The following PLCE1 variants were observed in gnomAD, a reference collection of about 807,000 sequenced individuals.
PLCE1 encodes 1-phosphatidylinositol 4,5-bisphosphate phosphodiesterase epsilon-1.
Under a neutral mutation model 242.8 loss-of-function variants are expected in PLCE1, and 119 were observed. The ratio of observed to expected loss-of-function variants is 0.49; its 90% CI spans 0.42 to 0.57. PLCE1 has a LOEUF of 0.57. Ranked by LOEUF, PLCE1 falls within the 20% of genes least tolerant of loss-of-function variation. PLCE1 has a pLI of 0.00. For missense variants in PLCE1, 2,441 were observed against 2,788.8 expected (o/e 0.88, Z 2.81); for synonymous variants, 945 against 1,017.4 (o/e 0.93, Z 1.35).
At chr10:94,315,943 C>T (rs926934100) in intron 28 of PLCE1, among the ~76,000 whole-genome samples, 4 of 151,880 alleles carry the variant, frequency 2.6e-5, no homozygotes, top group African/African-American at 9.7e-5. Flanking sequence ...CCCAATAATT[C>T]GTAGCCAACA....
At chr10:94,211,564 G>A (rs11187815) in intron 4 of PLCE1, among the ~76,000 whole-genome samples, 94,900 of 152,212 alleles carry the variant, frequency 0.62, 30,350 homozygotes, top group East Asian at 0.95. Context: ...TAGTAGAACC[G>A]CATAGCTAAA....
intron 2 of PLCE1, among the ~76,000 whole-genome samples, chr10:94,101,253 A>T (rs1333137828): frequency 1.3e-5 from 2 of 152,324 alleles, no homozygotes; most frequent in Admixed American, 6.5e-5. Context: ...CGGTGTTCTC[A>T]TGAATGAAAT....
chr10:94,053,791 AG>A (rs1449048052), intron 2 of PLCE1, among the ~76,000 whole-genome samples: 6 of 152,272 alleles, frequency 3.9e-5, no homozygotes, highest in Non-Finnish European at 8.8e-5. Flanking sequence ...CAATAGTGAG[AG>A]CCAGCCTTCC....
At chr10:94,082,466 C>CCAGGGAGGGGCCCTGTGCAATCA in intron 2 of PLCE1, among the ~76,000 whole-genome samples, 1 of 152,022 alleles carries the variant, frequency 6.6e-6, no homozygotes, top group Non-Finnish European at 1.5e-5. Flanking sequence ...GCTTTGGTCC[C>CCAGGGAGGGGCCCTGTGCAATCA]CAGGGAGGGG....
chr10:94,288,775 G>A (rs1392692348), intron 22 of PLCE1, among the ~76,000 whole-genome samples: 1 of 152,186 alleles, frequency 6.6e-6, no homozygotes, highest in Non-Finnish European at 1.5e-5. Context: ...CACTGAAGGA[G>A]CCACATGGGG....
intron 21 of PLCE1, 129 bp from the exon 22 acceptor site, chr10:94,284,719 A>T: frequency 1.5e-6 from 1 of 688,002 alleles, no homozygotes; most frequent in Non-Finnish European, 2.7e-6. Context: ...GGACATGTAT[A>T]TGGATAATTA....
At chr10:94,067,603 A>G (rs2044234753) in intron 2 of PLCE1, among the ~76,000 whole-genome samples, 1 of 152,190 alleles carries the variant, frequency 6.6e-6, no homozygotes, top group South Asian at 2.1e-4. Context: ...GGACACAAAT[A>G]AGGCCTGAGC....
At chr10:94,154,615 C>T (rs1267012931) in intron 3 of PLCE1, among the ~76,000 whole-genome samples, 1 of 151,926 alleles carries the variant, frequency 6.6e-6, no homozygotes, top group African/African-American at 2.4e-5. Context: ...CAACAGAGAA[C>T]CCAACAACAC....
chr10:94,000,356 AAG>A (rs1183793953), intron 1 of PLCE1, among the ~76,000 whole-genome samples: 4 of 152,238 alleles, frequency 2.6e-5, no homozygotes, highest in Admixed American at 2.0e-4. Flanking sequence ...GGCCTTGTGC[AAG>A]ATACTTGGCC....
At chr10:94,006,777 T>A (rs2061047090) in intron 1 of PLCE1, among the ~76,000 whole-genome samples, 2 of 152,172 alleles carry the variant, frequency 1.3e-5, no homozygotes, top group Admixed American at 6.5e-5. Flanking sequence ...GACTCAAAGC[T>A]GGGAAAATAG....
chr10:94,240,846 G>A (rs527453960), intron 7 of PLCE1, among the ~76,000 whole-genome samples: 1 of 152,272 alleles, frequency 6.6e-6, no homozygotes, highest in Non-Finnish European at 1.5e-5. Context: ...TACAACCTGA[G>A]TTTGACAAGA....
chr10:94,283,914 G>A lies in PLCE1; in HGVS notation c.4917+3G>A, dbSNP rs756248824. 2.0e-5 allele frequency: 32 copies of A among 1,610,060 alleles called. No individual in the cohort carries two copies. In the South Asian group the frequency reaches 3.2e-4, roughly 16 times the overall value. ...ACTCTGCTTGCAACAAAGGAAAGGT[G>A]GGTGAACGGTTTCTGTTAAATGACA... On this transcript the variant is annotated splice_donor_region_variant and intron_variant, in intron 21 of 32. Coordinates refer to ENST00000371380, the MANE Select transcript of PLCE1 (RefSeq NM_016341.4).
In PLCE1 at chr10:94,149,515, T is replaced by A. The variant is rs139989463; in HGVS notation, c.1492+17056T>A. On this transcript the variant is annotated intron_variant, in intron 3 of 32. Transcript: ENST00000371380. ...TTACCAACATCAACCCTCTTGCAACTAAAAGTGTGGTCCCAGAACCATCAG... is the reference window on the plus strand; with the variant it reads ...TTACCAACATCAACCCTCTTGCAACAAAAAGTGTGGTCCCAGAACCATCAG... Among the ~76,000 whole-genome samples, 770 of 152,340 alleles carry A rather than the reference T, an allele frequency of 5.1e-3. 2 individuals are homozygous for A. The highest frequency in any genetic ancestry group is 0.017 in the Middle Eastern group (5 of 294).
At position 94,062,848 on chromosome 10, in the gene PLCE1, G is replaced by A. The variant is rs926067210; in HGVS notation, c.1206+30596G>A. On this transcript the variant is annotated intron_variant, in intron 2 of 32. Transcript: ENST00000371380. The stretch of plus-strand genomic sequence containing the variant: ...GGTTCCGGGAAAGTACATGAATCAT[G>A]ATGGGACTCTTTAATCTGTACCTCT... Among the ~76,000 whole-genome samples the A allele has an allele frequency of 1.4e-4, 22 of 152,202 alleles. No individual in the cohort carries two copies. The South Asian group carries it at 1.9e-3, about 13-fold the overall frequency.
intron 3 of PLCE1, chr10:94,138,981 G>A (rs527622813): frequency 6.5e-6 from 1 of 153,696 alleles, no homozygotes; most frequent in African/African-American, 2.4e-5. Context: ...CTGTTCCTCT[G>A]ACAAACAAAC....
chr10:94,008,181 G>T (rs1188502953), intron 1 of PLCE1, among the ~76,000 whole-genome samples: 4 of 109,890 alleles, frequency 3.6e-5, no homozygotes, highest in Non-Finnish European at 6.6e-5. Context: ...AACAGAGTGA[G>T]ACCTTGTCTC....
rs767201313 is a variant in PLCE1, at chr10:94,132,329, C to T, written c.1362C>T (p.Arg454=). Reference sequence around the variant, plus strand: ...TCCGAGACACTGTATGTGAGTATCGCGCCACCCTCCAAAGGACTTCAATAT... The same window carrying T: ...TCCGAGACACTGTATGTGAGTATCGTGCCACCCTCCAAAGGACTTCAATAT... ...QCVRDTVCEY[R]ATLQRTSISQ... Residue 454 remains arginine, a synonymous_variant, in exon 3 of 33, where the codon CGC becomes CGT. Coordinates refer to ENST00000371380, the MANE Select transcript of PLCE1 (RefSeq NM_016341.4). The T allele has an allele frequency of 1.4e-5, 22 of 1,613,852 alleles. No homozygotes were observed. Among genetic ancestry groups the T allele is most frequent in the South Asian group, 9.9e-5 (9 of 91,060 alleles).
intron 23 of PLCE1, among the ~76,000 whole-genome samples, chr10:94,296,634 G>A (rs542715142): frequency 6.2e-4 from 94 of 152,256 alleles, no homozygotes; most frequent in Non-Finnish European, 2.5e-4. Context: ...AAAATATGTT[G>A]TGGCTGGTTT....
At chr10:94,055,158 TATAATAATGAAG>T in intron 2 of PLCE1, among the ~76,000 whole-genome samples, 1 of 152,046 alleles carries the variant, frequency 6.6e-6, no homozygotes, top group Non-Finnish European at 1.5e-5. Flanking sequence ...AAGGAGGCAG[TATAATAATGAAG>T]ATAATAATTG....
Sources: gnomAD v4.1 joint callset for allele counts (sites outside exome capture counted in the v4.1 genomes callset) on GRCh38, gnomAD v4.1.1 for gene constraint, MANE v1.5 for transcripts, NCBI Gene and HGNC (gene_info 2026-07-23, HGNC 2026-07-21) for gene names.